Variants in GSE1 observed in about 807,000 individuals in gnomAD.
GSE1 encodes Gse1 coiled-coil protein.
Under a neutral mutation model 112.6 loss-of-function variants are expected in GSE1, and 32 were observed. The ratio of observed to expected loss-of-function variants is 0.28; its 90% CI spans 0.21 to 0.38. The LOEUF is 0.38. Ranked by LOEUF, GSE1 falls within the 10% of genes least tolerant of loss-of-function variation. GSE1 has a pLI of 1.00. For missense variants in GSE1, 2,348 were observed against 1,699.2 expected, an observed-to-expected ratio of 1.38 and a Z score of -6.71; for synonymous variants, 1,115 against 735.6, an observed-to-expected ratio of 1.52 and a Z score of -8.35.
chr16:85,647,085 C>T (rs1197482078), intron 2 of GSE1, among the ~76,000 whole-genome samples: 3 of 152,210 alleles, frequency 2.0e-5, no homozygotes, highest in Non-Finnish European at 4.4e-5. Context: ...AAGGAGGAAG[C>T]CCCTTCCCTT....
intron 1 of GSE1, among the ~76,000 whole-genome samples, chr16:85,208,404 G>C (rs1352155176): frequency 6.6e-6 from 1 of 152,156 alleles, no homozygotes. Context: ...TGCCTGCCTG[G>C]GGCTCGAGGG....
At chr16:85,663,254 ACTT>A in intron 10 of GSE1, 87 bp from the exon 11 acceptor site, 1 of 1,456,324 alleles carries the variant, frequency 6.9e-7, no homozygotes, top group Non-Finnish European at 9.4e-7. Flanking sequence ...TACGGCCCAC[ACTT>A]CGAGGACCCC....
At chr16:85,172,757 G>A (rs950744946) in intron 1 of GSE1, among the ~76,000 whole-genome samples, 1 of 152,162 alleles carries the variant, frequency 6.6e-6, no homozygotes, top group African/African-American at 2.4e-5. Context: ...TGGGAAAGGT[G>A]GCGCTGTCGT....
intron 1 of GSE1, among the ~76,000 whole-genome samples, chr16:85,574,875 A>G (rs1444104541): frequency 6.6e-6 from 1 of 152,080 alleles, no homozygotes; most frequent in Non-Finnish European, 1.5e-5. Flanking sequence ...CCCTGGTTAT[A>G]TTGGGATCTG....
chr16:85,195,257 C>T (rs552278487), intron 1 of GSE1, among the ~76,000 whole-genome samples: 27 of 152,064 alleles, frequency 1.8e-4, no homozygotes, highest in Non-Finnish European at 3.7e-4. Flanking sequence ...GTATTTGGAG[C>T]GGGGGTGAAC....
At chr16:85,590,297 TGTGA>T (rs1339411838) in intron 1 of GSE1, among the ~76,000 whole-genome samples, 2 of 150,338 alleles carry the variant, frequency 1.3e-5, no homozygotes, top group African/African-American at 4.9e-5. Flanking sequence ...TGACTGTGTG[TGTGA>T]ACGCATGGGC....
At chr16:85,557,100 A>G (rs1373420866) in intron 1 of GSE1, among the ~76,000 whole-genome samples, 1 of 152,056 alleles carries the variant, frequency 6.6e-6, no homozygotes, top group Non-Finnish European at 1.5e-5. Flanking sequence ...TTGGATTTCT[A>G]AACCTTAAAA....
chr16:85,589,490 T>C (rs749702904), intron 1 of GSE1, among the ~76,000 whole-genome samples: 4 of 152,116 alleles, frequency 2.6e-5, no homozygotes, highest in Non-Finnish European at 5.9e-5. Flanking sequence ...ACCTGGTGGG[T>C]TGAGTTTCCC....
chr16:85,529,282 C>T (rs1014433691), intron 2 of GSE1, among the ~76,000 whole-genome samples: 59 of 152,280 alleles, frequency 3.9e-4, no homozygotes, highest in African/African-American at 1.3e-3. Context: ...GGCTCCGTGG[C>T]AAGCGAGCAG....
chr16:85,287,812 A>T (rs1046322186), intron 1 of GSE1, among the ~76,000 whole-genome samples: 3 of 152,130 alleles, frequency 2.0e-5, no homozygotes, highest in Non-Finnish European at 4.4e-5. Flanking sequence ...ACCCCTGCTG[A>T]AGCCTAAAGG....
chr16:85,403,090 C>CT (rs1247392724), intron 2 of GSE1, among the ~76,000 whole-genome samples: 3 of 30,168 alleles, frequency 9.9e-5, no homozygotes, highest in Non-Finnish European at 2.3e-3. Flanking sequence ...CCCATGGTTG[C>CT]TGGGGGGGGA....
chr16:85,617,910 C>T (rs868066876), intron 1 of GSE1, among the ~76,000 whole-genome samples: 1 of 152,176 alleles, frequency 6.6e-6, no homozygotes, highest in South Asian at 2.1e-4. Flanking sequence ...CCCCTCTACG[C>T]CACCTCCCCC....
chr16:85,382,896 G>A (rs192039039), intron 2 of GSE1, among the ~76,000 whole-genome samples: 307 of 149,738 alleles, frequency 2.1e-3, no homozygotes, highest in African/African-American at 5.6e-3. Context: ...GCACACACAC[G>A]CATACACTTG....
At chr16:85,599,382 CAG>C (rs1261319361) in intron 1 of GSE1, among the ~76,000 whole-genome samples, 11 of 152,226 alleles carry the variant, frequency 7.2e-5, no homozygotes, top group African/African-American at 2.4e-4. Flanking sequence ...AGAGCTGGGA[CAG>C]GGGCTACCTG....
chr16:85,427,181 G>A (rs2049013841), intron 2 of GSE1, among the ~76,000 whole-genome samples: 1 of 152,206 alleles, frequency 6.6e-6, no homozygotes, highest in African/African-American at 2.4e-5. Context: ...GGCAAATTCA[G>A]CCCTTGGAGA....
intron 1 of GSE1, among the ~76,000 whole-genome samples, chr16:85,296,887 C>T (rs1175833073): frequency 4.8e-5 from 3 of 62,188 alleles, no homozygotes; most frequent in East Asian, 8.8e-4. Flanking sequence ...TCTGTGAGGG[C>T]GGGGGTGGGG....
intron 1 of GSE1, among the ~76,000 whole-genome samples, chr16:85,303,831 G>T (rs1489572530): frequency 6.6e-6 from 1 of 152,238 alleles, no homozygotes; most frequent in Non-Finnish European, 1.5e-5. Context: ...TGGCGGGGTT[G>T]CGAGGGTTGC....
chr16:85,554,147 C>T (rs566548879), upstream of GSE1, among the ~76,000 whole-genome samples: 1 of 146,900 alleles, frequency 6.8e-6, no homozygotes, highest in East Asian at 2.0e-4. Context: ...AGCTTTGCAG[C>T]GTGCGTTTAA....
exon 2 of GSE1, chr16:85,357,512 G>A (rs1034188679): frequency 4.0e-6 from 5 of 1,261,586 alleles, no homozygotes; most frequent in Admixed American, 2.6e-5. Flanking sequence ...CCTCCCACCC[G>A]GGAGTCCGAG....
Sources: allele counts gnomAD v4.1 joint callset (sites outside exome capture counted in the v4.1 genomes callset), GRCh38; gene constraint gnomAD v4.1.1; transcripts MANE v1.5; gene names NCBI Gene and HGNC (gene_info 2026-07-23, HGNC 2026-07-21).